Variants in CPSF3 observed in about 807,000 individuals in gnomAD.
CPSF3 encodes cleavage and polyadenylation specificity factor subunit 3.
Under a neutral mutation model 84.1 loss-of-function variants are expected in CPSF3, and 57 were observed. The ratio of observed to expected loss-of-function variants is 0.68; its 90% confidence interval spans 0.55 to 0.85. The LOEUF is 0.85. Ranked by LOEUF, CPSF3 falls within the 40% of genes least tolerant of loss-of-function variation. The probability of loss-of-function intolerance (pLI) is 0.00; values close to 1 mark genes in which losing one functional copy is unlikely to be tolerated. For synonymous variants in CPSF3, 275 were observed against 278.1 expected (o/e 0.99, Z 0.11); for missense variants, 522 against 838.8 (o/e 0.62, Z 4.66).
At chr2:9,432,146 G>A (rs528430142) in intron 4 of CPSF3, among the ~76,000 whole-genome samples, 8 of 152,262 alleles carry the variant, frequency 5.3e-5, no homozygotes, top group Non-Finnish European at 7.4e-5. Context: ...TATCTGCCAT[G>A]GTTCAATGTA....
At chr2:9,449,566 AC>A (rs1681246292) in intron 11 of CPSF3, among the ~76,000 whole-genome samples, 1 of 152,130 alleles carries the variant, frequency 6.6e-6, no homozygotes, top group East Asian at 1.9e-4. Flanking sequence ...ACGTGGTGAA[AC>A]CCAGTCTCTA....
At chr2:9,452,343 A>T (rs1681362316) in intron 11 of CPSF3, among the ~76,000 whole-genome samples, 1 of 150,970 alleles carries the variant, frequency 6.6e-6, no homozygotes, top group Non-Finnish European at 1.5e-5. Flanking sequence ...AAAAAAAAAA[A>T]GAATAGTGGG....
intron 15 of CPSF3, among the ~76,000 whole-genome samples, chr2:9,460,734 T>C (rs1028961578): frequency 1.3e-5 from 2 of 151,462 alleles, no homozygotes; most frequent in Non-Finnish European, 2.9e-5. Context: ...TGCTCTCAAA[T>C]GCCTGGGGCT....
chr2:9,459,449 T>C, intron 14 of CPSF3, 82 bp from the exon 15 acceptor site: 2 of 825,822 alleles, frequency 2.4e-6, no homozygotes, highest in South Asian at 2.7e-5. Flanking sequence ...GTACAGTCCA[T>C]GGTTTGGTGG....
chr2:9,429,799 A>C (rs1174490862), intron 2 of CPSF3, 124 bp from the exon 3 acceptor site: 2 of 624,152 alleles, frequency 3.2e-6, no homozygotes, highest in Non-Finnish European at 5.6e-6. Context: ...ATCATGTTCC[A>C]AGTGCTAGTG....
intron 15 of CPSF3, among the ~76,000 whole-genome samples, chr2:9,465,865 A>C (rs192250434): frequency 6.6e-6 from 1 of 152,156 alleles, no homozygotes; most frequent in South Asian, 2.1e-4. Flanking sequence ...ATATCCATAT[A>C]TATGGGGTGT....
At chr2:9,466,144 C>G (rs1478850155) in intron 15 of CPSF3, among the ~76,000 whole-genome samples, 1 of 152,026 alleles carries the variant, frequency 6.6e-6, no homozygotes, top group Non-Finnish European at 1.5e-5. Context: ...AGTTTGAGAC[C>G]AACTTGGGCA....
chr2:9,464,079 G>A (rs1300577254), intron 15 of CPSF3, among the ~76,000 whole-genome samples: 2 of 152,178 alleles, frequency 1.3e-5, no homozygotes, highest in Non-Finnish European at 2.9e-5. Flanking sequence ...ATGTGTGTGT[G>A]TGTGTGTGTG....
At chr2:9,449,736 T>G (rs755665871) in intron 11 of CPSF3, among the ~76,000 whole-genome samples, 4 of 152,040 alleles carry the variant, frequency 2.6e-5, no homozygotes, top group Non-Finnish European at 5.9e-5. Context: ...AGCAAGACCT[T>G]GTCTCAAAAA....
chr2:9,466,321 CACACA>C (rs1681947523), intron 15 of CPSF3, among the ~76,000 whole-genome samples: 1 of 103,500 alleles, frequency 9.7e-6, no homozygotes. Context: ...CTGACGCACG[CACACA>C]GACGCACGCA....
At chr2:9,440,736 G>A in intron 8 of CPSF3, 70 bp downstream of exon 8, 1 of 1,481,502 alleles carries the variant, frequency 6.7e-7, no homozygotes. Context: ...GAGGTACGAG[G>A]CCGTGAGTGA....
At chr2:9,433,820 A>ATAGTG in intron 5 of CPSF3, 51 bp from the exon 6 acceptor site, 7 of 1,298,684 alleles carry the variant, frequency 5.4e-6, no homozygotes, top group Non-Finnish European at 7.7e-6. Context: ...ATTCACTAGC[A>ATAGTG]AAATGAAGCC....
chr2:9,448,454 T>G, intron 11 of CPSF3, 104 bp downstream of exon 11: 1 of 974,654 alleles, frequency 1.0e-6, no homozygotes, highest in Non-Finnish European at 1.5e-6. Context: ...TGCTTATTTC[T>G]GTCTACTTGT....
At chr2:9,471,496 A>G in intron 17 of CPSF3, 57 bp downstream of exon 17, 1 of 1,039,344 alleles carries the variant, frequency 9.6e-7, no homozygotes, top group East Asian at 2.4e-5. Flanking sequence ...GTGAAGGCAT[A>G]AATAATCTGT....
intron 15 of CPSF3, among the ~76,000 whole-genome samples, chr2:9,465,341 G>A (rs1681863806): frequency 6.6e-6 from 1 of 152,094 alleles, no homozygotes; most frequent in African/African-American, 2.4e-5. Flanking sequence ...CTACTTGAGA[G>A]GCTGAGATGA....
At chr2:9,426,615 T>C (rs1680402733) in intron 1 of CPSF3, among the ~76,000 whole-genome samples, 1 of 151,886 alleles carries the variant, frequency 6.6e-6, no homozygotes, top group South Asian at 2.1e-4. Context: ...AATATCAACA[T>C]TTAAAGGGTA....
Position 9,440,570 on chromosome 2 carries a change from A to G in CPSF3, c.840A>G (p.Ala280=), listed in dbSNP as rs1427449066. 1.2e-6 allele frequency: 2 copies of G among 1,614,194 alleles called. No individual in the cohort carries two copies. Among genetic ancestry groups the G allele is most frequent in the South Asian group, 2.2e-5 (2 of 91,082 alleles). ...CATCTTTGGCCAAGAAGTGTATGGC[A>G]GTGTACCAGACATATGTAAATGCCA... ...YASSLAKKCM[A]VYQTYVNAMN... is the part of the protein sequence containing the mutation. Residue 280 remains alanine, a synonymous_variant, in exon 8 of 18, where the codon GCA becomes GCG. Transcript: ENST00000238112.
In CPSF3 at chr2:9,467,857, A is replaced by G. The variant is rs1682028555; in HGVS notation, c.1856+81A>G. The G allele has an allele frequency of 1.9e-5, 21 of 1,124,044 alleles. No homozygotes were observed. In the Middle Eastern group the frequency reaches 1.2e-3, roughly 64 times the overall value. The allele number at this position is 1,124,044 out of a possible 1,614,324, so 69.6% of individuals were successfully genotyped here. ...CCTGGATTCGGCTCTGACTCCTTCA[A>G]GGACTGGGGCGTGGCTCTGGCCAGG... On this transcript the variant is annotated intron_variant, in intron 16 of 17. Transcript: ENST00000238112.
chr2:9,436,774 A>AAAAAAAAAAATAAAAAAAAATAAT (rs139337028), intron 7 of CPSF3, among the ~76,000 whole-genome samples: 1 of 143,002 alleles, frequency 7.0e-6, no homozygotes, highest in Non-Finnish European at 1.5e-5. Flanking sequence ...CCATCTCAAA[A>AAAAAAAAAAATAAAAAAAAATAAT]AATAATAATA....
Sources: gnomAD v4.1 joint callset for allele counts (sites outside exome capture counted in the v4.1 genomes callset) on GRCh38, gnomAD v4.1.1 for gene constraint, MANE v1.5 for transcripts, NCBI Gene and HGNC (gene_info 2026-07-23, HGNC 2026-07-21) for gene names.